The following UBE2U variants were observed in gnomAD, a reference collection of about 807,000 sequenced individuals.
UBE2U encodes ubiquitin conjugating enzyme E2 U.
Under a neutral mutation model 41.2 loss-of-function variants are expected in UBE2U, and 39 were observed. The ratio of observed to expected loss-of-function variants is 0.95; its 90% CI spans 0.73 to 1.24. The LOEUF is 1.24. Among genes scored for constraint, UBE2U ranks in the 50% most tolerant of loss-of-function variants. The pLI is 0.00. For missense variants in UBE2U, 336 were observed against 363.1 expected (o/e 0.93, Z 0.61); for synonymous variants, 107 against 117.8 (o/e 0.91, Z 0.60).
intron 3 of UBE2U, among the ~76,000 whole-genome samples, chr1:64,209,694 G>A (rs1325172587): frequency 1.4e-5 from 1 of 69,450 alleles, no homozygotes; most frequent in African/African-American, 5.5e-5. Flanking sequence ...CGCCCGCCCC[G>A]CAAAAGATGG....
At chr1:64,256,276 A>G (rs1354721260) in intron 8 of UBE2U, among the ~76,000 whole-genome samples, 1 of 152,120 alleles carries the variant, frequency 6.6e-6, no homozygotes, top group Non-Finnish European at 1.5e-5. Flanking sequence ...CTATTTTAAA[A>G]TATGTATGGA....
chr1:64,257,633 T>C (rs564643011), intron 8 of UBE2U, among the ~76,000 whole-genome samples: 6 of 151,962 alleles, frequency 3.9e-5, no homozygotes, highest in African/African-American at 7.3e-5. Flanking sequence ...TGTTGGGGGA[T>C]GGAGAGCATC....
chr1:64,261,618 C>T (rs558096347), intron 9 of UBE2U, among the ~76,000 whole-genome samples: 12 of 152,288 alleles, frequency 7.9e-5, no homozygotes, highest in African/African-American at 2.2e-4. Context: ...CGCAGATTTC[C>T]TCCTCTGTAT....
At chr1:64,230,000 C>T (rs1026224138) in intron 6 of UBE2U, among the ~76,000 whole-genome samples, 2 of 152,184 alleles carry the variant, frequency 1.3e-5, no homozygotes, top group African/African-American at 4.8e-5. Context: ...TTCAGTTTCT[C>T]TTGATGCTTT....
At chr1:64,219,891 T>C (rs1652317632) in intron 5 of UBE2U, among the ~76,000 whole-genome samples, 1 of 152,170 alleles carries the variant, frequency 6.6e-6, no homozygotes, top group Non-Finnish European at 1.5e-5. Flanking sequence ...AGCCACTGCG[T>C]GCAGCCAATC....
chr1:64,213,018 A>G lies in UBE2U; in HGVS notation c.340-1797A>G, dbSNP rs12723442. On this transcript the variant is annotated intron_variant, in intron 4 of 9. Coordinates refer to ENST00000371077, the MANE Select transcript of UBE2U (RefSeq NM_001366232.2). ...AATGGGAAGGAAAAGAAAATCACTG[A>G]CAATTATAAAGAAAACCCTTAACTT... is the stretch of plus-strand genomic sequence containing the variant. Among the ~76,000 whole-genome samples the G allele has an allele frequency of 4.6e-5, 7 of 152,308 alleles. No homozygotes were observed. The South Asian group carries it at 1.0e-3, about 23-fold the overall frequency.
intron 1 of UBE2U, 80 bp downstream of exon 1, chr1:64,204,196 A>G (rs1651147990): frequency 1.4e-6 from 2 of 1,388,500 alleles, no homozygotes; most frequent in East Asian, 4.7e-5. Context: ...TTATTCTATA[A>G]GTAGTAATTT....
At chr1:64,239,131 A>AG (rs1491550729) in intron 7 of UBE2U, among the ~76,000 whole-genome samples, 25 of 22,242 alleles carry the variant, frequency 1.1e-3, no homozygotes, top group African/African-American at 1.9e-3. Context: ...AAGAAGAAGA[A>AG]GAAGAAGAAG....
chr1:64,260,735 C>T (rs1441183135), intron 9 of UBE2U, 41 bp downstream of exon 9: 1 of 1,448,092 alleles, frequency 6.9e-7, no homozygotes, highest in Non-Finnish European at 9.4e-7. Flanking sequence ...TTATAAATAA[C>T]ATATTATGCA....
chr1:64,232,274 A>T (rs1484999881), intron 6 of UBE2U, among the ~76,000 whole-genome samples: 2 of 152,222 alleles, frequency 1.3e-5, no homozygotes, highest in African/African-American at 4.8e-5. Flanking sequence ...TTAGTCATGA[A>T]AGGCAGATGT....
At chr1:64,260,003 A>G (rs1183279171) in intron 8 of UBE2U, among the ~76,000 whole-genome samples, 3 of 151,794 alleles carry the variant, frequency 2.0e-5, no homozygotes, top group Admixed American at 6.6e-5. Flanking sequence ...CCTGAGTCCA[A>G]TGACTGTTGT....
At chr1:64,265,262 G>T (rs777674668) in intron 9 of UBE2U, among the ~76,000 whole-genome samples, 1 of 152,042 alleles carries the variant, frequency 6.6e-6, no homozygotes, top group African/African-American at 2.4e-5. Context: ...CTCCACTCTG[G>T]CTTTTCTCTT....
Position 64,267,091 on chromosome 1 carries a change from G to C in UBE2U, c.837G>C (p.Glu279Asp). ...SITDIYETEEEGWKSDTSLYE... is the reference protein window; with the variant it reads ...SITDIYETEEDGWKSDTSLYE... ...CAGACATTTATGAAACAGAAGAGGA[G>C]GGGTGGAAGAGTGACACTTCATTAT... The change falls in exon 10 of 10, where the codon GAG becomes GAC. Residue 279 changes from glutamate to aspartate, a missense_variant. Transcript: ENST00000371077. 1.9e-6 allele frequency: 3 copies of C among 1,550,446 alleles called. No individual in the cohort carries two copies. The highest frequency in any genetic ancestry group is 2.6e-6 in the Non-Finnish European group (3 of 1,146,964).
intron 8 of UBE2U, among the ~76,000 whole-genome samples, chr1:64,255,714 A>T (rs1645079235): frequency 6.6e-6 from 1 of 152,170 alleles, no homozygotes; most frequent in African/African-American, 2.4e-5. Flanking sequence ...CAAGACAAGG[A>T]TGCCCTCTCT....
intron 8 of UBE2U, chr1:64,244,196 G>A: frequency 6.3e-7 from 1 of 1,597,718 alleles, no homozygotes; most frequent in Admixed American, 1.7e-5. Flanking sequence ...ACAGATGTTG[G>A]AGAAATTCTT....
intron 1 of UBE2U, 77 bp from the exon 2 acceptor site, chr1:64,205,562 A>T: frequency 8.6e-7 from 1 of 1,160,522 alleles, no homozygotes. Context: ...ATTCAGTGTG[A>T]CCTGGTATAT....
At chr1:64,241,865 GA>G (rs1349350791) in intron 8 of UBE2U, 132 bp downstream of exon 8, 1 of 588,136 alleles carries the variant, frequency 1.7e-6, no homozygotes, top group African/African-American at 1.9e-5. Flanking sequence ...CTCAGTATAA[GA>G]ACAAGAATAA....
At chr1:64,220,712 G>A (rs1468436828) in intron 5 of UBE2U, 147 bp from the exon 6 acceptor site, 1 of 644,122 alleles carries the variant, frequency 1.6e-6, no homozygotes, top group African/African-American at 2.0e-5. Context: ...AAATTTTCTT[G>A]TCATCTTTCT....
intron 4 of UBE2U, among the ~76,000 whole-genome samples, chr1:64,213,716 A>G (rs1651796897): frequency 6.6e-6 from 1 of 152,234 alleles, no homozygotes; most frequent in Non-Finnish European, 1.5e-5. Flanking sequence ...CTATTATGGT[A>G]TGTATATTGC....
Sources: allele counts gnomAD v4.1 joint callset (sites outside exome capture counted in the v4.1 genomes callset), GRCh38; gene constraint gnomAD v4.1.1; transcripts MANE v1.5; gene names NCBI Gene and HGNC (gene_info 2026-07-23, HGNC 2026-07-21).